Variants in NAA25 observed in about 807,000 individuals in gnomAD.
The protein encoded by NAA25 is N-terminal acetyltransferase B complex subunit NAA25.
In NAA25, 30 loss-of-function variants were observed where a neutral mutation model predicts 132.5. The ratio of observed to expected loss-of-function variants is 0.23; its 90% CI spans 0.17 to 0.31. The LOEUF (loss-of-function observed/expected upper bound fraction) is 0.31, where lower values mean the gene tolerates loss of function less well. NAA25 is among the 10% of genes least tolerant of loss of function. The pLI, the probability that NAA25 is intolerant of heterozygous loss-of-function variation, is 1.00. For synonymous variants in NAA25, 359 were observed against 401.9 expected (o/e 0.89, Z 1.28); for missense variants, 771 against 1,150.4 (o/e 0.67, Z 4.77).
chr12:112,090,808 A>G lies in NAA25; in HGVS notation c.201T>C (p.Leu67=). 1 of 1,614,086 alleles carries G rather than the reference A, an allele frequency of 6.2e-7. No individual in the cohort carries two copies. The highest frequency in any genetic ancestry group is 1.7e-5 in the Admixed American group (1 of 60,000). ...GTTCAAGGGCTGCCACCTCCTGTGC[A>G]AGAGTAAAGGCTTCCTCTTGCTTTC... ...RTGKQEEAFT[L]AQEVAALEPT... The change falls in exon 3 of 24, where the codon CTT becomes CTC. Residue 67 remains leucine (L), a synonymous_variant. Coordinates refer to ENST00000261745, the MANE Select transcript of NAA25 (RefSeq NM_024953.4).
At chr12:112,043,927 AAT>A in intron 17 of NAA25, 59 bp from the exon 18 acceptor site, 2 of 1,511,652 alleles carry the variant, frequency 1.3e-6, no homozygotes, top group Non-Finnish European at 1.8e-6. Context: ...CATTGCTTTC[AAT>A]TTTTTTTTTT....
intron 11 of NAA25, among the ~76,000 whole-genome samples, chr12:112,062,852 C>T (rs2078656495): frequency 6.6e-6 from 1 of 151,934 alleles, no homozygotes; most frequent in Non-Finnish European, 1.5e-5. Context: ...AGATCAGCCT[C>T]GGCACATAGT....
intron 2 of NAA25, 44 bp downstream of exon 2, chr12:112,093,007 T>C (rs752432057): frequency 7.2e-7 from 1 of 1,391,296 alleles, no homozygotes; most frequent in Non-Finnish European, 1.0e-6. Flanking sequence ...GAATTACAAA[T>C]ATAACCCGCC....
chr12:112,063,982 T>A (rs569227037), intron 11 of NAA25: 1 of 152,052 alleles, frequency 6.6e-6, no homozygotes, highest in East Asian at 1.9e-4. Flanking sequence ...GCTCAAGCAA[T>A]CCTCCTGCTT....
At chr12:112,070,486 T>C (rs967068481) in intron 10 of NAA25, among the ~76,000 whole-genome samples, 1 of 152,250 alleles carries the variant, frequency 6.6e-6, no homozygotes, top group Non-Finnish European at 1.5e-5. Flanking sequence ...AAACCTTTCA[T>C]CCACTTCATG....
chr12:112,054,728 A>C (rs2078518554), intron 13 of NAA25, among the ~76,000 whole-genome samples, 160 bp from the exon 14 acceptor site: 1 of 152,168 alleles, frequency 6.6e-6, no homozygotes, highest in African/African-American at 2.4e-5. Context: ...AAAATAGAGA[A>C]TTTCGCCTCA....
At chr12:112,090,558 A>T in intron 3 of NAA25, 168 bp downstream of exon 3, 3 of 555,906 alleles carry the variant, frequency 5.4e-6, no homozygotes, top group Admixed American at 7.3e-5. Flanking sequence ...ATCCTAATGC[A>T]TGTAAACTAT....
intron 11 of NAA25, chr12:112,064,147 T>G (rs886992908): frequency 1.3e-5 from 2 of 152,236 alleles, no homozygotes; most frequent in South Asian, 4.1e-4. Context: ...TACCTATAAT[T>G]CTATTAATTT....
In NAA25 at chr12:112,047,768, T is replaced by C. The variant is rs2078409557; in HGVS notation, c.1903A>G (p.Ile635Val). ...ANISTSLAES[I>V]KSMNLRPEED... ...TCTGGCCTAAGGTTCATTGACTTTATACTTTCTGCTAAACTGGTTGATCTG... is the reference window on the plus strand; with the variant it reads ...TCTGGCCTAAGGTTCATTGACTTTACACTTTCTGCTAAACTGGTTGATCTG... Residue 635 changes from isoleucine to valine, a missense_variant, in exon 17 of 24, where the codon ATA becomes GTA. Transcript: ENST00000261745. 1.2e-6 allele frequency: 2 copies of C among 1,611,670 alleles called. No homozygotes were observed. Among genetic ancestry groups the C allele is most frequent in the South Asian group, 2.2e-5 (2 of 90,198 alleles).
chr12:112,053,821 TAAA>T (rs4041251), intron 14 of NAA25, among the ~76,000 whole-genome samples, 164 bp from the exon 15 acceptor site: 2 of 114,344 alleles, frequency 1.7e-5, no homozygotes, highest in Non-Finnish European at 3.7e-5. Context: ...AGTTAAAATT[TAAA>T]AAAAAAAAAA....
At chr12:112,079,421 ACTG>A (rs2078938653) in intron 5 of NAA25, among the ~76,000 whole-genome samples, 1 of 152,078 alleles carries the variant, frequency 6.6e-6, no homozygotes, top group African/African-American at 2.4e-5. Context: ...CCCCGTCTCT[ACTG>A]AAAAATAATT....
intron 8 of NAA25, 29 bp from the exon 9 acceptor site, chr12:112,074,793 G>C (rs1425385138): frequency 7.1e-7 from 1 of 1,415,974 alleles, no homozygotes; most frequent in Non-Finnish European, 9.8e-7. Context: ...ATGCACACAG[G>C]ATTAAACCCA....
At chr12:112,093,888 A>C (rs1475667662) in intron 1 of NAA25, among the ~76,000 whole-genome samples, 2 of 151,926 alleles carry the variant, frequency 1.3e-5, no homozygotes, top group Non-Finnish European at 2.9e-5. Flanking sequence ...ATTCAAAAAA[A>C]CTTTTTTTTT....
intron 15 of NAA25, 113 bp downstream of exon 15, chr12:112,053,445 C>T: frequency 1.3e-6 from 1 of 765,294 alleles, no homozygotes; most frequent in South Asian, 1.6e-5. Flanking sequence ...AGGGCACTTG[C>T]TAGTTCAGCA....
chr12:112,028,952 C>T lies in NAA25; in HGVS notation c.*579G>A, dbSNP rs549286569. On this transcript the variant is annotated 3_prime_UTR_variant, in exon 24 of 24. Coordinates refer to ENST00000261745, the MANE Select transcript of NAA25 (RefSeq NM_024953.4). ...AGTGCCTGTGGTCATCCAAGTGGTG[C>T]CCTTCTATTGCGGGTGCATATGCCA... 2 of 152,222 alleles carry T rather than the reference C, an allele frequency of 1.3e-5. No homozygotes were observed. Among genetic ancestry groups the T allele is most frequent in the South Asian group, 4.1e-4 (2 of 4,834 alleles). 9.4% of individuals were successfully genotyped at this position (152,222 alleles called of 1,614,324 possible). A position where few individuals can be genotyped will look rare whatever the true frequency, so the allele number is the denominator to read the frequency against.
At chr12:112,042,263 T>C (rs1461394550) in intron 19 of NAA25, 159 bp from the exon 20 acceptor site, 2 of 360,854 alleles carry the variant, frequency 5.5e-6, no homozygotes, top group East Asian at 4.4e-5. Context: ...AAGAAAATGA[T>C]AATGAAAGGA....
At chr12:112,099,559 G>A (rs1051273518) in intron 1 of NAA25, among the ~76,000 whole-genome samples, 1 of 152,116 alleles carries the variant, frequency 6.6e-6, no homozygotes, top group Non-Finnish European at 1.5e-5. Context: ...ATAGAAATTT[G>A]GGAAGAACTG....
At chr12:112,069,715 G>A (rs1347693440) in intron 10 of NAA25, among the ~76,000 whole-genome samples, 2 of 151,774 alleles carry the variant, frequency 1.3e-5, no homozygotes, top group East Asian at 3.9e-4. Context: ...AGCTACTAGG[G>A]AGGCTGAGGC....
chr12:112,108,123 G>GT (rs1417189683), intron 1 of NAA25, among the ~76,000 whole-genome samples: 1 of 152,084 alleles, frequency 6.6e-6, no homozygotes, highest in East Asian at 1.9e-4. Flanking sequence ...CCTCCCACGT[G>GT]TGACCAGAGT....
Sources: gnomAD v4.1 joint callset for allele counts (sites outside exome capture counted in the v4.1 genomes callset) on GRCh38, gnomAD v4.1.1 for gene constraint, MANE v1.5 for transcripts, NCBI Gene and HGNC (gene_info 2026-07-23, HGNC 2026-07-21) for gene names.